Variants in DIAPH2 observed in about 807,000 individuals in gnomAD.
DIAPH2 encodes the protein diaphanous related formin 2, also known as protein diaphanous homolog 2.
Under a neutral mutation model 92.7 loss-of-function variants are expected in DIAPH2, and 35 were observed. The observed-to-expected ratio is 0.38, with a 90% CI of 0.29 to 0.50. The LOEUF is 0.50. Ranked by LOEUF, DIAPH2 falls within the 20% of genes least tolerant of loss-of-function variation. The probability of loss-of-function intolerance (pLI) is 0.94; values close to 1 mark genes in which losing one functional copy is unlikely to be tolerated. For synonymous variants in DIAPH2, 301 were observed against 280.4 expected (o/e 1.07, Z -0.73); for missense variants, 701 against 819.5 (o/e 0.86, Z 1.77).
At chrX:96,964,536 A>G (rs1346751098) in intron 16 of DIAPH2, among the ~76,000 whole-genome samples, 1 of 111,767 alleles carries the variant, frequency 8.9e-6, no homozygotes, top group African/African-American at 3.2e-5. Flanking sequence ...TCTGCCATTT[A>G]CTAATTTGGG....
intron 17 of DIAPH2, among the ~76,000 whole-genome samples, chrX:97,056,568 T>G (rs1418460338): frequency 4.5e-5 from 5 of 111,992 alleles, no homozygotes; most frequent in Admixed American, 3.8e-4. Flanking sequence ...GCAGATACAC[T>G]CATTGATTCA....
intron 24 of DIAPH2, among the ~76,000 whole-genome samples, chrX:97,365,199 A>G (rs1826497396): frequency 9.0e-6 from 1 of 111,039 alleles, no homozygotes; most frequent in Non-Finnish European, 1.9e-5. Flanking sequence ...CATGTTCTAT[A>G]TTAAGTCTCA....
chrX:97,305,373 A>G (rs1283914798), intron 23 of DIAPH2, among the ~76,000 whole-genome samples: 2 of 110,624 alleles, frequency 1.8e-5, no homozygotes, highest in African/African-American at 6.6e-5. Flanking sequence ...GGCGCCTGTA[A>G]TCCCAGCTAC....
At chrX:96,957,479 C>T (rs1411593328) in intron 15 of DIAPH2, among the ~76,000 whole-genome samples, 1 of 111,589 alleles carries the variant, frequency 9.0e-6, no homozygotes, top group African/African-American at 3.3e-5. Flanking sequence ...AAGGGAAAAT[C>T]CCCGTATAAA....
intron 26 of DIAPH2, among the ~76,000 whole-genome samples, chrX:97,447,399 G>A (rs1483537421): frequency 9.0e-6 from 1 of 110,933 alleles, no homozygotes; most frequent in Non-Finnish European, 1.9e-5. Flanking sequence ...TTATTCCTGG[G>A]CTAGGTCTCG....
Position 97,491,700 on chromosome X carries a change from T to C in DIAPH2, c.3241+61955T>C, listed in dbSNP as rs192695177. On this transcript the variant is annotated intron_variant, in intron 26 of 26. Transcript: ENST00000324765. ...CGTGAGCCACCGCACCAGGCCTCCA[T>C]TTACATTTCAAGTAATTATTGATAG... 2.7e-3 allele frequency among the ~76,000 whole-genome samples: 302 copies of C among 112,287 alleles called. 1 individual carries two copies. Among genetic ancestry groups the C allele is most frequent in the Non-Finnish European group, 4.2e-3 (225 of 53,228 alleles).
chrX:96,897,755 A>G (rs1416779214), intron 5 of DIAPH2, among the ~76,000 whole-genome samples: 3 of 105,241 alleles, frequency 2.9e-5, no homozygotes, highest in Non-Finnish European at 5.9e-5. Flanking sequence ...TTTAAGTTTT[A>G]GGGTACATGT....
At chrX:97,295,160 T>C (rs1024689804) in intron 23 of DIAPH2, among the ~76,000 whole-genome samples, 2 of 112,002 alleles carry the variant, frequency 1.8e-5, no homozygotes, top group African/African-American at 3.2e-5. Flanking sequence ...TCCTTAGTTA[T>C]ACAGGTTTAT....
At position 96,925,791 on chromosome X, in the gene DIAPH2, A is replaced by G. The variant is rs530546679; in HGVS notation, c.979-4942A>G. 8.1e-5 allele frequency among the ~76,000 whole-genome samples: 9 copies of G among 111,241 alleles called. No homozygotes were observed. The South Asian group carries it at 3.0e-3, about 37-fold the overall frequency. On this transcript the variant is annotated intron_variant, in intron 9 of 26. Transcript: ENST00000324765. ...GCCTCATATTCCACCACCCTTCTAC[A>G]TATGTTTTTAGTCTAGTCATATTGT... is the stretch of plus-strand genomic sequence containing the variant.
intron 4 of DIAPH2, among the ~76,000 whole-genome samples, chrX:96,829,106 C>A (rs1451010627): frequency 8.9e-6 from 1 of 111,864 alleles, no homozygotes; most frequent in Non-Finnish European, 1.9e-5. Flanking sequence ...GTCAAAGAAA[C>A]CTTTCCTAAC....
At chrX:97,118,342 C>A (rs1466147106) in intron 21 of DIAPH2, among the ~76,000 whole-genome samples, 1 of 111,365 alleles carries the variant, frequency 9.0e-6, no homozygotes, top group Non-Finnish European at 1.9e-5. Flanking sequence ...TGAAGAGAGC[C>A]TAATGAGCCC....
At chrX:97,198,396 A>G (rs2067721516) in intron 22 of DIAPH2, among the ~76,000 whole-genome samples, 1 of 109,688 alleles carries the variant, frequency 9.1e-6, no homozygotes, top group Admixed American at 9.9e-5. Context: ...TTTAAGCTAA[A>G]CTTGTCCATT....
At chrX:96,971,698 T>C (rs758064393) in intron 17 of DIAPH2, among the ~76,000 whole-genome samples, 1 of 111,620 alleles carries the variant, frequency 9.0e-6, no homozygotes, top group Non-Finnish European at 1.9e-5. Context: ...TTGAATTTTC[T>C]CTTTCACGCT....
chrX:97,411,172 A>T (rs780799844), intron 25 of DIAPH2, among the ~76,000 whole-genome samples: 2 of 112,233 alleles, frequency 1.8e-5, no homozygotes, highest in East Asian at 5.6e-4. Flanking sequence ...CGGGTTACCC[A>T]CAAAGGGAAG....
intron 3 of DIAPH2, among the ~76,000 whole-genome samples, chrX:96,751,647 G>GTTTTTTTTTTTTT (rs1332024432): frequency 8.2e-5 from 7 of 85,014 alleles, no homozygotes; most frequent in South Asian, 6.2e-4. Flanking sequence ...AGACTTCAGT[G>GTTTTTTTTTTTTT]TTTTGTTTTT....
chrX:97,454,030 C>T (rs948361976), intron 26 of DIAPH2: 1 of 111,728 alleles, frequency 9.0e-6, no homozygotes, highest in East Asian at 2.8e-4. Context: ...TGAAAGTAAG[C>T]AAAAACAAAA....
At position 96,937,293 on chromosome X, in the gene DIAPH2, A is replaced by T. The variant is rs1313687775; in HGVS notation, c.1150A>T (p.Lys384Ter). The T allele has an allele frequency of 8.5e-7, 1 of 1,172,287 alleles. No homozygotes were observed. The highest frequency in any genetic ancestry group is 1.2e-6 in the Non-Finnish European group (1 of 868,967). ...TCAGTTGAAAGTATTTGATGAAAAC[A>T]AAGAAGATGACCTAACTGAATTATC... Reference protein sequence around the residue: ...DIQLKVFDENKEDDLTELSHR... With the variant: ...DIQLKVFDEN The change falls in exon 11 of 27, where the codon AAA becomes TAA. Residue 384 changes from lysine (K) to a stop codon, truncating the protein, a stop_gained. Coordinates refer to ENST00000324765, the MANE Select transcript of DIAPH2 (RefSeq NM_006729.5). LOFTEE classifies it high-confidence loss of function.
chrX:97,493,876 G>T (rs900474961), intron 26 of DIAPH2, among the ~76,000 whole-genome samples: 3 of 106,109 alleles, frequency 2.8e-5, no homozygotes, highest in Non-Finnish European at 3.9e-5. Context: ...GACAGAGTGG[G>T]ACTCCATCTC....
At chrX:97,361,256 A>G (rs1327665877) in intron 24 of DIAPH2, among the ~76,000 whole-genome samples, 1 of 110,657 alleles carries the variant, frequency 9.0e-6, no homozygotes, top group African/African-American at 3.3e-5. Flanking sequence ...AAAGTTTTAG[A>G]ATAGAATATA....
Sources: allele counts gnomAD v4.1 joint callset (sites outside exome capture counted in the v4.1 genomes callset), GRCh38; gene constraint gnomAD v4.1.1; transcripts MANE v1.5; gene names NCBI Gene and HGNC (gene_info 2026-07-23, HGNC 2026-07-21).